ORAI2: variants seen among roughly 807,000 people sequenced by gnomAD.
The protein encoded by ORAI2 is protein orai-2.
A neutral mutation model predicts 16.2 loss-of-function variants in ORAI2; 10 were observed. That is an observed-to-expected ratio of 0.62 (90% confidence interval 0.38 to 1.04). ORAI2 has a LOEUF of 1.04. ORAI2 is among the 50% of genes least tolerant of loss of function. The probability of loss-of-function intolerance (pLI) is 0.01; values close to 1 mark genes in which losing one functional copy is unlikely to be tolerated. For missense variants in ORAI2, 238 were observed against 355.5 expected, an observed-to-expected ratio of 0.67 and a Z score of 2.66; for synonymous variants, 150 against 157.5, an observed-to-expected ratio of 0.95 and a Z score of 0.35.
chr7:102,454,188 A>AG lies in ORAI2; in HGVS notation c.*7137dup, dbSNP rs2133244378. The stretch of plus-strand genomic sequence containing the variant: ...GGTGGGCGGATCGCTTGAGCCAAGG[A>AG]GTTCGAGACCAGCCTGGGCAACATT... On this transcript the variant is annotated 3_prime_UTR_variant, in exon 4 of 4. Coordinates refer to ENST00000495936, the MANE Select transcript of ORAI2 (RefSeq NM_001126340.3). 6.6e-6 allele frequency: 1 copy of AG among 152,188 alleles called. No individual in the cohort carries two copies. Among genetic ancestry groups the AG allele is most frequent in the African/African-American group, 2.4e-5 (1 of 41,500 alleles). 9.4% of individuals were successfully genotyped at this position (152,188 alleles called of 1,614,324 possible). A position where few individuals can be genotyped will look rare whatever the true frequency, so the allele number is the denominator to read the frequency against.
rs1797582962 is a variant in ORAI2, at chr7:102,453,740, T to G, written c.*6688T>G. The G allele has an allele frequency of 6.6e-6, 1 of 152,226 alleles. No homozygotes were observed. The highest frequency in any genetic ancestry group is 2.4e-5 in the African/African-American group (1 of 41,442). 9.4% of individuals were successfully genotyped at this position (152,226 alleles called of 1,614,324 possible). On this transcript the variant is annotated 3_prime_UTR_variant, in exon 4 of 4. Coordinates refer to ENST00000495936, the MANE Select transcript of ORAI2 (RefSeq NM_001126340.3). ...CAGCAGATCATCGACGCAGACTTTT[T>G]TTTTCCCAGATAGAGTCTCACTCTG... is the stretch of plus-strand genomic sequence containing the variant.
In ORAI2 at chr7:102,452,797, T is replaced by C. The variant is rs1439903600; in HGVS notation, c.*5745T>C. 1.4e-5 allele frequency: 2 copies of C among 147,876 alleles called. No individual in the cohort carries two copies. The highest frequency in any genetic ancestry group is 2.9e-5 in the Non-Finnish European group (2 of 67,980). The allele number at this position is 147,876 out of a possible 1,614,324, so 9.2% of individuals were successfully genotyped here. A position where few individuals can be genotyped will look rare whatever the true frequency, so the allele number is the denominator to read the frequency against. ...AGGCCCTCTTCTAGGAAAGAATTTC[T>C]GTTTGTTTTGTTTTGTTTTGTTTTG... On this transcript the variant is annotated 3_prime_UTR_variant, in exon 4 of 4. Transcript: ENST00000495936.
At chr7:102,445,967 G>C (rs957616170) in intron 3 of ORAI2, among the ~76,000 whole-genome samples, 1 of 134,462 alleles carries the variant, frequency 7.4e-6, no homozygotes, top group African/African-American at 2.8e-5. Context: ...GTTTTCTTTT[G>C]AGACAGAGTC....
chr7:102,445,766 C>A (rs2133233107), intron 3 of ORAI2, among the ~76,000 whole-genome samples: 1 of 152,054 alleles, frequency 6.6e-6, no homozygotes, highest in South Asian at 2.1e-4. Flanking sequence ...CAGGCATGAA[C>A]CATTGTACCC....
At position 102,456,161 on chromosome 7, in the gene ORAI2, C is replaced by G. The variant is rs1359904848; in HGVS notation, c.*9109C>G. The G allele has an allele frequency of 6.5e-6, 1 of 153,878 alleles. No individual in the cohort carries two copies. Among genetic ancestry groups the G allele is most frequent in the Non-Finnish European group, 1.5e-5 (1 of 68,236 alleles). The allele number at this position is 153,878 out of a possible 1,614,324, so 9.5% of individuals were successfully genotyped here. A position where few individuals can be genotyped will look rare whatever the true frequency, so the allele number is the denominator to read the frequency against. The stretch of plus-strand genomic sequence containing the variant: ...CAGCCACAGGAACAGCAGAGCAGCT[C>G]CCCCATCCAGGTAAGCGCCCCCACC... On this transcript the variant is annotated 3_prime_UTR_variant, in exon 4 of 4. Transcript: ENST00000495936.
intron 1 of ORAI2, among the ~76,000 whole-genome samples, chr7:102,434,346 G>A (rs974389123): frequency 2.0e-5 from 3 of 152,092 alleles, no homozygotes; most frequent in Non-Finnish European, 4.4e-5. Context: ...ACCCCCTCCT[G>A]GGCTGCTCCT....
chr7:102,436,455 T>C, intron 2 of ORAI2, 122 bp downstream of exon 2: 1 of 486,698 alleles, frequency 2.1e-6, no homozygotes, highest in Non-Finnish European at 2.7e-6. Context: ...GTTTTCCACC[T>C]CCAGCACCTT....
Position 102,450,302 on chromosome 7 carries a change from G to A in ORAI2, c.*3250G>A, listed in dbSNP as rs955391897. 2 of 152,236 alleles carry A rather than the reference G, an allele frequency of 1.3e-5. No homozygotes were observed. The highest frequency in any genetic ancestry group is 2.4e-5 in the African/African-American group (1 of 41,462). 9.4% of individuals were successfully genotyped at this position (152,236 alleles called of 1,614,324 possible). On this transcript the variant is annotated 3_prime_UTR_variant, in exon 4 of 4. Coordinates refer to ENST00000495936, the MANE Select transcript of ORAI2 (RefSeq NM_001126340.3). ...GACAGGCTGGCTCTCCTAAACAAAC[G>A]GCTCCCCACGGCTGGGAGAGGCAGC... is the stretch of plus-strand genomic sequence containing the variant.
chr7:102,439,645 C>T (rs1266903207), intron 3 of ORAI2, among the ~76,000 whole-genome samples: 2 of 151,910 alleles, frequency 1.3e-5, no homozygotes, highest in African/African-American at 2.4e-5. Flanking sequence ...GCACCTATAG[C>T]CCCAGCTACT....
chr7:102,445,642 G>T (rs757543033), intron 3 of ORAI2, among the ~76,000 whole-genome samples: 1 of 151,988 alleles, frequency 6.6e-6, no homozygotes, highest in Non-Finnish European at 1.5e-5. Flanking sequence ...TAGAGACAGG[G>T]TCTCCTTCTG....
intron 3 of ORAI2, among the ~76,000 whole-genome samples, chr7:102,445,139 T>G (rs2133232135): frequency 6.6e-6 from 1 of 152,390 alleles, no homozygotes; most frequent in East Asian, 1.9e-4. Flanking sequence ...TCCGTCACCT[T>G]TCCCGAGCTT....
chr7:102,446,900 G>T lies in ORAI2; in HGVS notation c.613G>T (p.Val205Leu), dbSNP rs981766695. Residue 205 changes from valine (V) to leucine (L), a missense_variant, in exon 4 of 4, where the codon GTG (valine) becomes TTG (leucine). Val to Leu is a conservative substitution (Grantham distance 32). Coordinates refer to ENST00000495936, the MANE Select transcript of ORAI2 (RefSeq NM_001126340.3). ...QAALVSTIIM[V>L]PVGLIFVVFT... ...CGCCCTGGTGTCCACCATCATCATG[G>T]TGCCCGTGGGCCTCATCTTCGTGGT... 6.2e-7 allele frequency: 1 copy of T among 1,613,282 alleles called. No individual in the cohort carries two copies. Among genetic ancestry groups the T allele is most frequent in the Non-Finnish European group, 8.5e-7 (1 of 1,179,956 alleles).
chr7:102,435,610 C>G (rs1797040479), intron 1 of ORAI2, among the ~76,000 whole-genome samples: 1 of 148,392 alleles, frequency 6.7e-6, no homozygotes, highest in Admixed American at 6.8e-5. Context: ...GCTCTTGGCT[C>G]ACTGCAACCT....
chr7:102,443,674 G>C lies in ORAI2; in HGVS notation c.226-2839G>C, dbSNP rs1441975893. 2.0e-5 allele frequency among the ~76,000 whole-genome samples: 3 copies of C among 151,950 alleles called. No individual in the cohort carries two copies. In the East Asian group the frequency reaches 5.8e-4, roughly 29 times the overall value. Reference sequence around the variant, plus strand: ...GCCCCAACTGTATTACTGCTGAGTTGTTTTTCGGCTCTGGTCCACTAGGAC... The same window carrying C: ...GCCCCAACTGTATTACTGCTGAGTTCTTTTTCGGCTCTGGTCCACTAGGAC... On this transcript the variant is annotated intron_variant, in intron 3 of 3. Coordinates refer to ENST00000495936, the MANE Select transcript of ORAI2 (RefSeq NM_001126340.3).
chr7:102,446,376 G>A (rs1797362231), intron 3 of ORAI2, 137 bp from the exon 4 acceptor site: 1 of 821,796 alleles, frequency 1.2e-6, no homozygotes, highest in Non-Finnish European at 1.9e-6. Context: ...ACATGGGTGA[G>A]TCCTGCCAGC....
intron 3 of ORAI2, among the ~76,000 whole-genome samples, chr7:102,441,802 C>T (rs964530214): frequency 1.3e-5 from 2 of 152,024 alleles, no homozygotes; most frequent in African/African-American, 4.8e-5. Context: ...CTTGGGGGAG[C>T]CGCAGTGCAC....
In ORAI2 at chr7:102,448,722, A is replaced by G. The variant is rs1797443148; in HGVS notation, c.*1670A>G. 2 of 151,728 alleles carry G rather than the reference A, an allele frequency of 1.3e-5. No individual in the cohort carries two copies. Among genetic ancestry groups the G allele is most frequent in the African/African-American group, 4.8e-5 (2 of 41,240 alleles). The allele number at this position is 151,728 out of a possible 1,614,324, so 9.4% of individuals were successfully genotyped here. A position where few individuals can be genotyped will look rare whatever the true frequency, so the allele number is the denominator to read the frequency against. ...ACAGAGCCAGACTCCATCTCAAAAAAAAAAAAAAAATTAGCCGGGCGTGAT... is the reference window on the plus strand; with the variant it reads ...ACAGAGCCAGACTCCATCTCAAAAAGAAAAAAAAAATTAGCCGGGCGTGAT... On this transcript the variant is annotated 3_prime_UTR_variant, in exon 4 of 4. Transcript: ENST00000495936.
chr7:102,440,313 C>A (rs1389423441), intron 3 of ORAI2, among the ~76,000 whole-genome samples: 3 of 152,066 alleles, frequency 2.0e-5, no homozygotes, highest in African/African-American at 7.2e-5. Flanking sequence ...CAAAGGAGAG[C>A]TTTTGGCCTG....
rs1179713485 is a variant in ORAI2 at position 102,447,059 on chromosome 7, G to A, written c.*7G>A. 3.9e-5 allele frequency: 60 copies of A among 1,523,764 alleles called. No individual in the cohort carries two copies. Among genetic ancestry groups the A allele is most frequent in the Non-Finnish European group, 5.2e-5 (59 of 1,138,768 alleles). The allele number at this position is 1,523,764 out of a possible 1,614,324, so 94.4% of individuals were successfully genotyped here. A position where few individuals can be genotyped will look rare whatever the true frequency, so the allele number is the denominator to read the frequency against. On this transcript the variant is annotated 3_prime_UTR_variant, in exon 4 of 4. Coordinates refer to ENST00000495936, the MANE Select transcript of ORAI2 (RefSeq NM_001126340.3). Reference sequence around the variant, plus strand: ...CAGCCTGCAGGTCTTGTGAGGGGCCGAGGGCCGGGGCTGGGAGCGGCCCTG... The same window carrying A: ...CAGCCTGCAGGTCTTGTGAGGGGCCAAGGGCCGGGGCTGGGAGCGGCCCTG...
Sources: allele counts gnomAD v4.1 joint callset (sites outside exome capture counted in the v4.1 genomes callset), GRCh38; gene constraint gnomAD v4.1.1; transcripts MANE v1.5; gene names NCBI Gene and HGNC (gene_info 2026-07-23, HGNC 2026-07-21).